Variants in KAZN observed in about 807,000 individuals in gnomAD.
KAZN encodes the protein kazrin, periplakin interacting protein, also known as kazrin.
A neutral mutation model predicts 87.4 loss-of-function variants in KAZN; 40 were observed. That is an observed-to-expected ratio of 0.46 (90% CI 0.36 to 0.60). The LOEUF is 0.60. Ranked by LOEUF, KAZN falls within the 20% of genes least tolerant of loss-of-function variation. KAZN has a pLI of 0.00. For synonymous variants in KAZN, 466 were observed against 458.3 expected (o/e 1.02, Z -0.22); for missense variants, 898 against 1,073.9 (o/e 0.84, Z 2.29).
chr1:14,905,362 A>C (rs1202107341), intron 1 of KAZN, among the ~76,000 whole-genome samples: 3 of 152,166 alleles, frequency 2.0e-5, no homozygotes, highest in African/African-American at 7.2e-5. Flanking sequence ...GCGCCTGGAC[A>C]GGAAATGCTC....
chr1:14,330,001 A>G (rs1656730568), intron 2 of KAZN, among the ~76,000 whole-genome samples: 1 of 152,238 alleles, frequency 6.6e-6, no homozygotes, highest in Non-Finnish European at 1.5e-5. Flanking sequence ...TAATGAGGAT[A>G]GGGTATTGCC....
intron 2 of KAZN, among the ~76,000 whole-genome samples, chr1:14,479,092 C>G (rs1571751027): frequency 6.6e-6 from 1 of 152,314 alleles, no homozygotes; most frequent in South Asian, 2.1e-4. Flanking sequence ...GGCTTCTATC[C>G]TCATTAGTTC....
chr1:14,864,423 C>T (rs1400571284), intron 1 of KAZN, among the ~76,000 whole-genome samples: 4 of 152,014 alleles, frequency 2.6e-5, no homozygotes, highest in African/African-American at 7.2e-5. Flanking sequence ...ATTAGCTGGA[C>T]GTGGGGTGGG....
chr1:14,248,115 A>G (rs1003971809), intron 2 of KAZN, among the ~76,000 whole-genome samples: 2 of 152,230 alleles, frequency 1.3e-5, no homozygotes, highest in Non-Finnish European at 1.5e-5. Flanking sequence ...AGTTGATTGC[A>G]TAGATGCTCC....
At chr1:15,112,329 A>ATG (rs58658629) in intron 13 of KAZN, 98 bp from the exon 14 acceptor site, 7,355 of 637,018 alleles carry the variant, frequency 0.012, 18 homozygotes, top group Non-Finnish European at 0.014. Context: ...ATTGTCACCA[A>ATG]TGTGTGTGTG....
chr1:14,872,154 A>C (rs1652215220), intron 1 of KAZN, among the ~76,000 whole-genome samples: 2 of 152,196 alleles, frequency 1.3e-5, no homozygotes, highest in African/African-American at 4.8e-5. Flanking sequence ...TGGAGTCAGA[A>C]GACTAGATTT....
At chr1:14,587,886 C>A (rs1174831771) in intron 2 of KAZN, among the ~76,000 whole-genome samples, 1 of 152,142 alleles carries the variant, frequency 6.6e-6, no homozygotes, top group Non-Finnish European at 1.5e-5. Flanking sequence ...CAACATCATC[C>A]TCAGTTCAGG....
intron 2 of KAZN, among the ~76,000 whole-genome samples, chr1:14,484,822 G>A (rs1669263503): frequency 1.3e-5 from 2 of 152,312 alleles, no homozygotes; most frequent in East Asian, 1.9e-4. Context: ...TCATTCTCCA[G>A]CAGGTTAACT....
At chr1:15,045,258 G>A (rs1321044336) in intron 4 of KAZN, among the ~76,000 whole-genome samples, 3 of 152,192 alleles carry the variant, frequency 2.0e-5, no homozygotes, top group Non-Finnish European at 4.4e-5. Context: ...AGGATTTGTC[G>A]TCCTGCAGAG....
At position 14,430,213 on chromosome 1, in the gene KAZN, CA is replaced by C. The variant is rs35741487; in HGVS notation, c.250-168752del. ...ACCTCCACCACCTCTGCCCTGCAACCAAAAAAAAAAAAAAAAAACTCTTTAT... is the reference window on the plus strand; with the variant it reads ...ACCTCCACCACCTCTGCCCTGCAACCAAAAAAAAAAAAAAAAACTCTTTAT... On this transcript the variant is annotated intron_variant, in intron 2 of 16. Coordinates refer to the KAZN transcript ENST00000636203. Among the ~76,000 whole-genome samples the C allele has an allele frequency of 4.7e-3, 497 of 105,760 alleles. 2 individuals carry two copies. The highest frequency in any genetic ancestry group is 0.014 in the Middle Eastern group (3 of 210). 69.4% of individuals were successfully genotyped at this position (105,760 alleles called of 152,430 possible).
At chr1:14,125,838 G>A (rs1311011198) in intron 1 of KAZN, among the ~76,000 whole-genome samples, 3 of 151,878 alleles carry the variant, frequency 2.0e-5, no homozygotes. Flanking sequence ...GGGCAACAAG[G>A]TTCAGGGCAG....
chr1:14,497,231 G>A (rs1164704352), intron 2 of KAZN, among the ~76,000 whole-genome samples: 1 of 148,656 alleles, frequency 6.7e-6, no homozygotes, highest in African/African-American at 2.5e-5. Flanking sequence ...AGACAGATAG[G>A]AGAAAGTGAA....
intron 2 of KAZN, among the ~76,000 whole-genome samples, chr1:14,443,314 G>A (rs74059510): frequency 1.3e-5 from 2 of 152,210 alleles, no homozygotes; most frequent in Non-Finnish European, 2.9e-5. Context: ...CTGCCAGAGG[G>A]GCCACTGGAT....
At chr1:13,907,657 T>G (rs1200562244) in intron 1 of KAZN, among the ~76,000 whole-genome samples, 2 of 152,204 alleles carry the variant, frequency 1.3e-5, no homozygotes. Flanking sequence ...CCTGGTCCAA[T>G]AGCCCTTCCA....
At chr1:14,755,087 C>CAAAAAAAA (rs3032756) in intron 1 of KAZN, among the ~76,000 whole-genome samples, 8 of 115,568 alleles carry the variant, frequency 6.9e-5, no homozygotes, top group African/African-American at 1.4e-4. Context: ...ACTAAAAATG[C>CAAAAAAAA]AAAAAAAAAA....
chr1:14,913,605 C>A (rs115729607), intron 1 of KAZN, among the ~76,000 whole-genome samples: 1 of 152,222 alleles, frequency 6.6e-6, no homozygotes, highest in Non-Finnish European at 1.5e-5. Context: ...GAACTCTCTG[C>A]CTTACTGTCT....
chr1:15,095,063 A>T (rs1043665018), intron 10 of KAZN, 130 bp downstream of exon 10: 208 of 668,514 alleles, frequency 3.1e-4, no homozygotes, highest in Non-Finnish European at 5.0e-4. Flanking sequence ...TGTGACTAAG[A>T]TGGTCCGGGG....
chr1:13,913,022 T>A (rs1639710603), intron 1 of KAZN, among the ~76,000 whole-genome samples: 1 of 152,140 alleles, frequency 6.6e-6, no homozygotes, highest in African/African-American at 2.4e-5. Flanking sequence ...TTGGCTTAGA[T>A]GAAATTGGAA....
intron 1 of KAZN, among the ~76,000 whole-genome samples, chr1:14,747,197 T>C (rs927876913): frequency 3.3e-5 from 5 of 152,198 alleles, no homozygotes; most frequent in African/African-American, 4.8e-5. Context: ...TAATATTCCA[T>C]TGTGGTGTGT....
Sources: gnomAD v4.1 joint callset for allele counts (sites outside exome capture counted in the v4.1 genomes callset) on GRCh38, gnomAD v4.1.1 for gene constraint, MANE v1.5 for transcripts, NCBI Gene and HGNC (gene_info 2026-07-23, HGNC 2026-07-21) for gene names.